Variants in STYK1 observed in about 807,000 individuals in gnomAD.
The protein encoded by STYK1 is tyrosine-protein kinase STYK1.
Under a neutral mutation model 48.1 loss-of-function variants are expected in STYK1, and 46 were observed. The ratio of observed to expected loss-of-function variants is 0.96; its 90% CI spans 0.75 to 1.22. The LOEUF is 1.22. STYK1 is among the 50% of genes most tolerant of loss of function. STYK1 has a pLI of 0.00. For synonymous variants in STYK1, 188 were observed against 189.0 expected (o/e 0.99, Z 0.04); for missense variants, 527 against 521.1 (o/e 1.01, Z -0.11).
chr12:10,635,813 TG>T, intron 2 of STYK1, among the ~76,000 whole-genome samples: 1 of 152,330 alleles, frequency 6.6e-6, no homozygotes, highest in Admixed American at 6.5e-5. Context: ...CCTAGAAACT[TG>T]GTTCTTTCTT....
At chr12:10,639,730 A>T (rs4763569) in intron 1 of STYK1, among the ~76,000 whole-genome samples, 135,188 of 151,874 alleles carry the variant, frequency 0.89, 62,242 homozygotes, top group Non-Finnish European at 1. Context: ...GCCACTTTTT[A>T]AAAAAAAATG....
chr12:10,644,675 A>G (rs543965082), intron 1 of STYK1, among the ~76,000 whole-genome samples: 21 of 152,328 alleles, frequency 1.4e-4, no homozygotes, highest in Admixed American at 3.9e-4. Flanking sequence ...ATGGATTGGA[A>G]ACCTTGAGGA....
intron 1 of STYK1, among the ~76,000 whole-genome samples, chr12:10,660,602 G>T (rs1947766373): frequency 6.1e-5 from 2 of 32,564 alleles, no homozygotes; most frequent in Admixed American, 5.4e-4. Flanking sequence ...TGGGAGGTCA[G>T]CCCAAGATAC....
At chr12:10,650,079 T>G (rs1947645046) in intron 1 of STYK1, among the ~76,000 whole-genome samples, 1 of 115,926 alleles carries the variant, frequency 8.6e-6, no homozygotes, top group African/African-American at 3.4e-5. Flanking sequence ...ACCACTGCAC[T>G]CCAGCCTGGG....
At chr12:10,656,690 C>T (rs1004115676) in intron 1 of STYK1, among the ~76,000 whole-genome samples, 2 of 152,116 alleles carry the variant, frequency 1.3e-5, no homozygotes, top group Non-Finnish European at 2.9e-5. Flanking sequence ...TCCGTTTTAT[C>T]TTCTTGCCAC....
chr12:10,624,612 A>C, intron 8 of STYK1, 39 bp downstream of exon 8: 2 of 1,588,290 alleles, frequency 1.3e-6, no homozygotes, highest in Non-Finnish European at 1.7e-6. Context: ...CACCCAAGTC[A>C]TGAAGAAAGT....
intron 6 of STYK1, among the ~76,000 whole-genome samples, chr12:10,628,036 G>A (rs1591677159): frequency 6.6e-6 from 1 of 152,180 alleles, no homozygotes; most frequent in African/African-American, 2.4e-5. Context: ...GCACATGTGA[G>A]CACACATGTG....
At chr12:10,628,093 C>T (rs1344202651) in intron 6 of STYK1, among the ~76,000 whole-genome samples, 1 of 152,146 alleles carries the variant, frequency 6.6e-6, no homozygotes, top group East Asian at 1.9e-4. Flanking sequence ...TTATTGAATG[C>T]CTGAAATGTC....
chr12:10,673,074 C>T lies in STYK1; in HGVS notation c.-195+892G>A, dbSNP rs184161601. Among the ~76,000 whole-genome samples, 82 of 151,720 alleles carry T rather than the reference C, an allele frequency of 5.4e-4. No homozygotes were observed. The East Asian group carries it at 0.012, about 21-fold the overall frequency. On this transcript the variant is annotated intron_variant, in intron 1 of 10. Coordinates refer to ENST00000075503, the MANE Select transcript of STYK1 (RefSeq NM_018423.3). ...TAAGAAACTCCAATGTGGAGAGGAC[C>T]CATTACAGAAGGAAGCAACAATCGC...
At chr12:10,671,085 T>A (rs1303829862) in intron 1 of STYK1, among the ~76,000 whole-genome samples, 2 of 143,442 alleles carry the variant, frequency 1.4e-5, no homozygotes, top group African/African-American at 5.2e-5. Context: ...AAGCTCCGCC[T>A]CCTGGATTCA....
intron 1 of STYK1, among the ~76,000 whole-genome samples, chr12:10,665,939 T>G (rs556441917): frequency 6.6e-6 from 1 of 152,344 alleles, no homozygotes; most frequent in South Asian, 2.1e-4. Context: ...TTGTGGAATC[T>G]GCGAATAAGT....
At chr12:10,643,483 C>T (rs1474837046) in intron 1 of STYK1, among the ~76,000 whole-genome samples, 1 of 152,212 alleles carries the variant, frequency 6.6e-6, no homozygotes, top group Non-Finnish European at 1.5e-5. Flanking sequence ...CTACTTCTTC[C>T]ACTTCTACAA....
At chr12:10,621,148 T>G (rs1312920049) in intron 10 of STYK1, among the ~76,000 whole-genome samples, 1 of 152,216 alleles carries the variant, frequency 6.6e-6, no homozygotes, top group Non-Finnish European at 1.5e-5. Flanking sequence ...ATAAAAACAT[T>G]AATATATTCT....
chr12:10,631,180 G>C lies in STYK1; in HGVS notation c.316C>G (p.Leu106Val), dbSNP rs768028100. 1.2e-5 allele frequency: 20 copies of C among 1,614,206 alleles called. No individual in the cohort carries two copies. Among genetic ancestry groups the C allele is most frequent in the Non-Finnish European group, 1.6e-5 (19 of 1,180,030 alleles). Residue 106 changes from leucine to valine, a missense_variant, in exon 5 of 11, where the codon CTG becomes GTG. Transcript: ENST00000075503. ...GAGAGTTGCTCCCGCGGCACCTGCA[G>C]CTTAGCCAGGGCAGGTGTGGTAGCT... ...LGATTPALAK[L>V]QVPREQLSEV...
chr12:10,658,466 T>A (rs958548173), intron 1 of STYK1, among the ~76,000 whole-genome samples: 2 of 152,168 alleles, frequency 1.3e-5, no homozygotes, highest in African/African-American at 2.4e-5. Flanking sequence ...GAGTAAAGTT[T>A]TTTGTCTTTT....
At chr12:10,627,988 A>G (rs567912489) in intron 6 of STYK1, among the ~76,000 whole-genome samples, 1 of 152,112 alleles carries the variant, frequency 6.6e-6, no homozygotes, top group Non-Finnish European at 1.5e-5. Context: ...TAAAGCAGCA[A>G]TTTTTCTAGG....
chr12:10,622,573 C>G (rs1865924512), intron 9 of STYK1, 65 bp downstream of exon 9: 4 of 1,582,532 alleles, frequency 2.5e-6, no homozygotes, highest in South Asian at 1.1e-5. Flanking sequence ...ACATCATCCA[C>G]CCCTTAAATA....
chr12:10,633,778 C>CT (rs1294190029), intron 4 of STYK1, among the ~76,000 whole-genome samples: 1 of 152,156 alleles, frequency 6.6e-6, no homozygotes, highest in Non-Finnish European at 1.5e-5. Context: ...CTTGCACACT[C>CT]TTTTTTCAGT....
At chr12:10,641,433 A>C (rs1947543988) in intron 1 of STYK1, among the ~76,000 whole-genome samples, 1 of 152,170 alleles carries the variant, frequency 6.6e-6, no homozygotes, top group Non-Finnish European at 1.5e-5. Context: ...ATAAGTGAGG[A>C]GATCTGTTTT....
Sources: gnomAD v4.1 joint callset for allele counts (sites outside exome capture counted in the v4.1 genomes callset) on GRCh38, gnomAD v4.1.1 for gene constraint, MANE v1.5 for transcripts, NCBI Gene and HGNC (gene_info 2026-07-23, HGNC 2026-07-21) for gene names.